The following DLC1 variants were observed in gnomAD, a reference collection of about 807,000 sequenced individuals.
DLC1 encodes rho GTPase-activating protein 7.
Under a neutral mutation model 140.3 loss-of-function variants are expected in DLC1, and 54 were observed. The observed-to-expected ratio is 0.38, with a 90% CI of 0.31 to 0.48. The LOEUF (loss-of-function observed/expected upper bound fraction) is 0.48, where lower values mean the gene tolerates loss of function less well. DLC1 is among the 20% of genes least tolerant of loss of function. The probability of loss-of-function intolerance (pLI) is 0.96; values close to 1 mark genes in which losing one functional copy is unlikely to be tolerated. For synonymous variants in DLC1, 986 were observed against 728.1 expected (o/e 1.35, Z -5.70); for missense variants, 2,536 against 1,907.0 (o/e 1.33, Z -6.14).
intron 2 of DLC1, among the ~76,000 whole-genome samples, chr8:13,478,330 AG>A (rs1800533437): frequency 6.6e-6 from 1 of 152,160 alleles, no homozygotes; most frequent in Non-Finnish European, 1.5e-5. Flanking sequence ...ACTATCACCA[AG>A]GCATCACCAA....
chr8:13,460,442 T>C (rs1379454063), intron 2 of DLC1, among the ~76,000 whole-genome samples: 1 of 152,212 alleles, frequency 6.6e-6, no homozygotes, highest in Non-Finnish European at 1.5e-5. Flanking sequence ...ATAAAAGATA[T>C]TTAGACCTGA....
intron 2 of DLC1, among the ~76,000 whole-genome samples, chr8:13,404,900 G>A (rs1238145223): frequency 6.6e-6 from 1 of 151,992 alleles, no homozygotes; most frequent in Non-Finnish European, 1.5e-5. Context: ...TAGCTACTTG[G>A]GAGTCCTGAG....
chr8:13,423,422 T>G (rs1838407859), intron 2 of DLC1, among the ~76,000 whole-genome samples: 1 of 152,162 alleles, frequency 6.6e-6, no homozygotes, highest in African/African-American at 2.4e-5. Context: ...AGAAGTAGAC[T>G]TGTTTTATAA....
At chr8:13,585,400 A>G (rs1805264787) in intron 1 of DLC1, among the ~76,000 whole-genome samples, 1 of 152,178 alleles carries the variant, frequency 6.6e-6, no homozygotes, top group South Asian at 2.1e-4. Context: ...TCTCATCTCT[A>G]TAAAAAATTT....
In DLC1 at chr8:13,089,192, CT is replaced by C. The variant is rs1271199592; in HGVS notation, c.4075-489del. 2.0e-3 allele frequency among the ~76,000 whole-genome samples: 296 copies of C among 151,476 alleles called. 1 individual carries two copies. The highest frequency in any genetic ancestry group is 7.0e-3 in the African/African-American group (287 of 41,214). On this transcript the variant is annotated intron_variant, in intron 15 of 17. Coordinates refer to ENST00000276297, the MANE Select transcript of DLC1 (RefSeq NM_182643.3). ...GAGAATCACTTGAACCTAGGAGGCA[CT>C]TTGCAGTGAGCTGAGATCACACCAC...
intron 5 of DLC1, among the ~76,000 whole-genome samples, chr8:13,150,248 A>G (rs1183894378): frequency 6.6e-6 from 1 of 152,218 alleles, no homozygotes; most frequent in Non-Finnish European, 1.5e-5. Context: ...TTTTATAAGA[A>G]AAAAGTTTAA....
intron 5 of DLC1, chr8:13,214,903 G>T: frequency 3.0e-6 from 2 of 659,842 alleles, no homozygotes; most frequent in East Asian, 2.5e-5. Flanking sequence ...CCATGACTGG[G>T]AATAAGATAT....
rs559598008 is a variant in DLC1 at position 13,187,780 on chromosome 8, G to A, written c.1349-72123C>T. 2.2e-3 allele frequency among the ~76,000 whole-genome samples: 342 copies of A among 152,306 alleles called. 7 individuals carry two copies. Among genetic ancestry groups the A allele is most frequent in the East Asian group, 1.7e-3 (9 of 5,170 alleles). Reference sequence around the variant, plus strand: ...CTCTGCAGAGGCACCACTAACATTTGTGGGATATTCACTGCATGTTGGACT... The same window carrying A: ...CTCTGCAGAGGCACCACTAACATTTATGGGATATTCACTGCATGTTGGACT... On this transcript the variant is annotated intron_variant, in intron 5 of 17. Coordinates refer to ENST00000276297, the MANE Select transcript of DLC1 (RefSeq NM_182643.3).
At chr8:13,152,824 G>GAAGAAAAA (rs1554451777) in intron 5 of DLC1, among the ~76,000 whole-genome samples, 3 of 91,346 alleles carry the variant, frequency 3.3e-5, no homozygotes, top group Non-Finnish European at 5.9e-5. Context: ...CTCTGGGGAA[G>GAAGAAAAA]AAAAAAAAAA....
At chr8:13,375,438 A>G (rs902523484) in intron 4 of DLC1, among the ~76,000 whole-genome samples, 2 of 152,142 alleles carry the variant, frequency 1.3e-5, no homozygotes. Flanking sequence ...TAGATATACA[A>G]TCATGTCATC....
At chr8:13,131,769 A>G (rs1028271056) in intron 5 of DLC1, among the ~76,000 whole-genome samples, 4 of 152,140 alleles carry the variant, frequency 2.6e-5, no homozygotes, top group Admixed American at 2.6e-4. Context: ...CAGATGAAGG[A>G]GGCACAGCGA....
At chr8:13,219,238 A>T (rs1301704773) in intron 5 of DLC1, among the ~76,000 whole-genome samples, 1 of 135,878 alleles carries the variant, frequency 7.4e-6, no homozygotes, top group Non-Finnish European at 1.5e-5. Flanking sequence ...TAATTATATA[A>T]TGATATTCTT....
intron 5 of DLC1, among the ~76,000 whole-genome samples, chr8:13,194,294 T>G (rs78097891): frequency 6.6e-6 from 1 of 152,236 alleles, no homozygotes. Context: ...CCAATAGCTA[T>G]GTGGAACGAT....
intron 2 of DLC1, among the ~76,000 whole-genome samples, chr8:13,441,416 A>G (rs1798504450): frequency 6.6e-6 from 1 of 152,350 alleles, no homozygotes; most frequent in East Asian, 1.9e-4. Context: ...AGGAAGTCAA[A>G]CTGTCCCTGT....
intron 4 of DLC1, among the ~76,000 whole-genome samples, chr8:13,355,385 G>A (rs1387692790): frequency 6.6e-6 from 1 of 152,092 alleles, no homozygotes; most frequent in Admixed American, 6.5e-5. Flanking sequence ...ACCAGCTCAG[G>A]CTGCCATGAC....
At chr8:13,506,767 A>C (rs961803484) in intron 1 of DLC1, among the ~76,000 whole-genome samples, 1 of 151,998 alleles carries the variant, frequency 6.6e-6, no homozygotes, top group African/African-American at 2.4e-5. Context: ...AAATAATCTC[A>C]TGTTAATTAA....
chr8:13,299,172 G>A (rs1027336791), intron 5 of DLC1, among the ~76,000 whole-genome samples: 1 of 152,196 alleles, frequency 6.6e-6, no homozygotes, highest in African/African-American at 2.4e-5. Context: ...GATGGGTGGG[G>A]TGGCTCATGC....
chr8:13,426,211 A>ACAGT (rs138818436), intron 2 of DLC1, among the ~76,000 whole-genome samples: 60,426 of 151,710 alleles, frequency 0.4, 12,579 homozygotes, highest in East Asian at 0.49. Flanking sequence ...CTCTTAAATG[A>ACAGT]CAGTTTTCTT....
At chr8:13,175,894 C>A (rs1825733932) in intron 5 of DLC1, among the ~76,000 whole-genome samples, 1 of 152,160 alleles carries the variant, frequency 6.6e-6, no homozygotes, top group South Asian at 2.1e-4. Flanking sequence ...CTTCTCCAGT[C>A]CCTGCAAACA....
Sources: allele counts gnomAD v4.1 joint callset (sites outside exome capture counted in the v4.1 genomes callset), GRCh38; gene constraint gnomAD v4.1.1; transcripts MANE v1.5; gene names NCBI Gene and HGNC (gene_info 2026-07-23, HGNC 2026-07-21).